Variants in SGIP1 observed in about 807,000 individuals in gnomAD.
The protein encoded by SGIP1 is SH3-containing GRB2-like protein 3-interacting protein 1.
SGIP1 carries 38 observed loss-of-function variants against 107.5 expected under a neutral mutation model. The observed-to-expected ratio is 0.35, with a 90% CI of 0.27 to 0.46. SGIP1 has a LOEUF of 0.46. SGIP1 is among the 20% of genes least tolerant of loss of function. SGIP1 has a pLI of 1.00. For missense variants in SGIP1, 929 were observed against 1,019.5 expected, an observed-to-expected ratio of 0.91 and a Z score of 1.21; for synonymous variants, 365 against 366.1, an observed-to-expected ratio of 1.00 and a Z score of 0.03.
chr1:66,736,299 A>G (rs1178411897), intron 21 of SGIP1, among the ~76,000 whole-genome samples: 1 of 146,870 alleles, frequency 6.8e-6, no homozygotes, highest in African/African-American at 2.5e-5. Flanking sequence ...TATTATATAA[A>G]ATATGCAAAT....
At chr1:66,574,716 G>T (rs2148653491) in intron 1 of SGIP1, among the ~76,000 whole-genome samples, 1 of 152,080 alleles carries the variant, frequency 6.6e-6, no homozygotes, top group East Asian at 1.9e-4. Context: ...TCTTATACCT[G>T]TTGTTTTCAC....
intron 1 of SGIP1, among the ~76,000 whole-genome samples, chr1:66,569,447 T>A (rs917722827): frequency 6.6e-6 from 1 of 151,828 alleles, no homozygotes; most frequent in African/African-American, 2.4e-5. Context: ...CAGAAATGGG[T>A]GTTGGATTTT....
At chr1:66,704,931 T>C (rs1346370822) in intron 18 of SGIP1, among the ~76,000 whole-genome samples, 1 of 152,200 alleles carries the variant, frequency 6.6e-6, no homozygotes, top group Non-Finnish European at 1.5e-5. Flanking sequence ...TCAAAAGTAA[T>C]CATTTCCTAA....
At chr1:66,586,289 G>A (rs2062605744) in intron 1 of SGIP1, among the ~76,000 whole-genome samples, 1 of 151,970 alleles carries the variant, frequency 6.6e-6, no homozygotes, top group African/African-American at 2.4e-5. Context: ...AAATCCCCTT[G>A]ACCAATCTTT....
chr1:66,724,772 C>T (rs2093683718), intron 19 of SGIP1, among the ~76,000 whole-genome samples: 1 of 152,178 alleles, frequency 6.6e-6, no homozygotes, highest in South Asian at 2.1e-4. Context: ...AACTTTATCT[C>T]CTACCAAGAC....
chr1:66,663,117 A>T (rs1051025479), intron 8 of SGIP1, among the ~76,000 whole-genome samples: 3 of 152,130 alleles, frequency 2.0e-5, no homozygotes, highest in African/African-American at 7.2e-5. Context: ...ACCTGGCAGG[A>T]CTAAGCCCAC....
At chr1:66,740,982 C>T (rs1389562951) in intron 23 of SGIP1, among the ~76,000 whole-genome samples, 8 of 152,158 alleles carry the variant, frequency 5.3e-5, no homozygotes, top group South Asian at 4.1e-4. Flanking sequence ...TCAGATTCCA[C>T]GCTCCCTGAT....
chr1:66,650,576 G>A (rs1280390936), intron 7 of SGIP1, among the ~76,000 whole-genome samples: 1 of 152,074 alleles, frequency 6.6e-6, no homozygotes, highest in Non-Finnish European at 1.5e-5. Flanking sequence ...TCCATTTCTA[G>A]GTCTCCTGGC....
At chr1:66,558,285 C>T (rs11208907) in intron 1 of SGIP1, among the ~76,000 whole-genome samples, 12,190 of 151,922 alleles carry the variant, frequency 0.08, 852 homozygotes, top group East Asian at 0.32. Flanking sequence ...AGGGGCCCTA[C>T]ACTTGGTTTA....
chr1:66,694,525 T>C (rs773182949), intron 17 of SGIP1: 13 of 1,564,530 alleles, frequency 8.3e-6, no homozygotes, highest in South Asian at 7.3e-5. Context: ...AGCCAAGTGA[T>C]CTCTAGAGAC....
chr1:66,742,565 G>A (rs2094490007), intron 24 of SGIP1, among the ~76,000 whole-genome samples: 1 of 141,898 alleles, frequency 7.0e-6, no homozygotes, highest in African/African-American at 2.7e-5. Flanking sequence ...CGCCTCTTGG[G>A]TTCATGCCAT....
intron 1 of SGIP1, among the ~76,000 whole-genome samples, chr1:66,565,653 G>A (rs569702258): frequency 6.6e-6 from 1 of 151,900 alleles, no homozygotes; most frequent in Non-Finnish European, 1.5e-5. Flanking sequence ...TCTGAAATTT[G>A]GGCTTAGATT....
chr1:66,546,588 G>A (rs1260380620), intron 1 of SGIP1, among the ~76,000 whole-genome samples: 1 of 152,152 alleles, frequency 6.6e-6, no homozygotes, highest in African/African-American at 2.4e-5. Context: ...TATTGAGCAA[G>A]AATTGCTTAG....
chr1:66,595,687 A>T (rs1376209554), intron 1 of SGIP1, among the ~76,000 whole-genome samples: 2 of 152,196 alleles, frequency 1.3e-5, no homozygotes, highest in Admixed American at 6.5e-5. Flanking sequence ...ATTAAGAGTG[A>T]TTAATTAAAC....
At chr1:66,573,609 G>T (rs1291353265) in intron 1 of SGIP1, among the ~76,000 whole-genome samples, 1 of 152,114 alleles carries the variant, frequency 6.6e-6, no homozygotes, top group Non-Finnish European at 1.5e-5. Flanking sequence ...TCCTTTGCAG[G>T]AACCTGAATG....
At chr1:66,600,964 G>A (rs572442547) in intron 1 of SGIP1, among the ~76,000 whole-genome samples, 2 of 152,120 alleles carry the variant, frequency 1.3e-5, no homozygotes, top group Non-Finnish European at 2.9e-5. Flanking sequence ...TTGAAAATTT[G>A]TGGTGCTTTA....
chr1:66,701,557 G>T (rs1342335548), intron 18 of SGIP1, among the ~76,000 whole-genome samples: 1 of 152,014 alleles, frequency 6.6e-6, no homozygotes, highest in Non-Finnish European at 1.5e-5. Context: ...GTCACAGAGA[G>T]TTTTTTTTAA....
intron 1 of SGIP1, among the ~76,000 whole-genome samples, chr1:66,537,780 A>G (rs1259819253): frequency 6.6e-6 from 1 of 152,112 alleles, no homozygotes; most frequent in African/African-American, 2.4e-5. Flanking sequence ...TATTGTATAT[A>G]CGGTGCTTTT....
At chr1:66,684,770 A>C (rs2150035606) in intron 15 of SGIP1, among the ~76,000 whole-genome samples, 1 of 152,338 alleles carries the variant, frequency 6.6e-6, no homozygotes, top group Admixed American at 6.5e-5. Flanking sequence ...ATTAGGAAGA[A>C]AGGAAACTTT....
Sources: gnomAD v4.1 joint callset for allele counts (sites outside exome capture counted in the v4.1 genomes callset) on GRCh38, gnomAD v4.1.1 for gene constraint, MANE v1.5 for transcripts, NCBI Gene and HGNC (gene_info 2026-07-23, HGNC 2026-07-21) for gene names.